PKD1: variants seen among roughly 807,000 people sequenced by gnomAD.
The protein encoded by PKD1 is polycystin-1.
A neutral mutation model predicts 361.7 loss-of-function variants in PKD1; 81 were observed. The observed-to-expected ratio is 0.22, with a 90% CI of 0.19 to 0.27. The LOEUF is 0.27. Ranked by LOEUF, PKD1 falls within the 10% of genes least tolerant of loss-of-function variation. The pLI, the probability that PKD1 is intolerant of heterozygous loss-of-function variation, is 1.00. For missense variants in PKD1, 6,399 were observed against 6,118.3 expected (o/e 1.05, Z -1.53); for synonymous variants, 3,615 against 2,818.3 (o/e 1.28, Z -8.95).
chr16:2,091,474 G>C lies in PKD1; in HGVS notation c.11661C>G (p.Pro3887=), dbSNP rs1456144463. The C allele has an allele frequency of 7.4e-7, 1 of 1,344,986 alleles. No homozygotes were observed. The highest frequency in any genetic ancestry group is 9.5e-7 in the Non-Finnish European group (1 of 1,053,432). The allele number at this position is 1,344,986 out of a possible 1,614,324, so 83.3% of individuals were successfully genotyped here. A position where few individuals can be genotyped will look rare whatever the true frequency, so the allele number is the denominator to read the frequency against. ...CCGCGCTGAGGCGGCGCAGCGCAAA[G>C]GGGCGGACGCTGAGGGCGGCCAGGG... is the stretch of plus-strand genomic sequence containing the variant. ...GRALAALSVR[P]FALRRLSAGL... The change falls in exon 42 of 46, where the codon CCC becomes CCG. Residue 3887 remains proline (P), a synonymous_variant. Coordinates refer to ENST00000262304, the MANE Select transcript of PKD1 (RefSeq NM_001009944.3).
In PKD1 at chr16:2,090,557, C is replaced by T. The variant is rs770093370; in HGVS notation, c.12172G>A (p.Val4058Met). 4 of 1,609,226 alleles carry T rather than the reference C, an allele frequency of 2.5e-6. No individual in the cohort carries two copies. The highest frequency in any genetic ancestry group is 1.3e-5 in the African/African-American group (1 of 75,022). ...VSSCVDSLWSVAQALLVLCPG... is the reference protein window; with the variant it reads ...VSSCVDSLWSMAQALLVLCPG... ...CACAGCACCAACAGGGCCTGGGCCA[C>T]GCTCCAGAGGGAGTCCACACAGGAA... The change falls in exon 45 of 46, where the codon GTG becomes ATG. Residue 4058 changes from valine to methionine, a missense_variant. Transcript: ENST00000262304.
chr16:2,116,573 G>C lies in PKD1; in HGVS notation c.1678C>G (p.Leu560Val). ...GCTGAGAGGCCGTCCTGCTGTGCCAGAGGCGTCAGGGGTCCCTGCAGGTCC... is the reference window on the plus strand; with the variant it reads ...GCTGAGAGGCCGTCCTGCTGTGCCACAGGCGTCAGGGGTCCCTGCAGGTCC... Reference protein sequence around the residue: ...SGDLQGPLTPLAQQDGLSAPH... With the variant: ...SGDLQGPLTPVAQQDGLSAPH... The change falls in exon 8 of 46, where the codon CTG (leucine) becomes GTG (valine). Residue 560 changes from leucine to valine, a missense_variant. Transcript: ENST00000262304. The C allele has an allele frequency of 3.2e-6, 5 of 1,570,898 alleles. No homozygotes were observed. In the East Asian group the frequency reaches 7.0e-5, roughly 22 times the overall value.
rs1303361524 is a variant in PKD1 at position 2,117,626 on chromosome 16, G to A, written c.1248C>T (p.Asn416=). The change falls in exon 6 of 46, where the codon AAC becomes AAT. Residue 416 remains asparagine, a synonymous_variant. Transcript: ENST00000262304. The stretch of plus-strand genomic sequence containing the variant: ...CCACCACCAGGCGGTAGCAGTGCCC[G>A]TTGCCAGGGAAGATCTCCGTGTCCG... ...CPSDTEIFPG[N]GHCYRLVVEK... 1.4e-5 allele frequency: 23 copies of A among 1,610,496 alleles called. No individual in the cohort carries two copies. Among genetic ancestry groups the A allele is most frequent in the African/African-American group, 9.4e-5 (7 of 74,850 alleles).
At chr16:2,107,156 G>C (rs1212049414) in intron 16 of PKD1, 6 of 639,194 alleles carry the variant, frequency 9.4e-6, no homozygotes, top group African/African-American at 9.0e-5. Context: ...GAGGACACTG[G>C]AGTGTGCGTT....
At chr16:2,092,375 A>G (rs931668781) in intron 39 of PKD1, 105 bp downstream of exon 39, 68 of 972,744 alleles carry the variant, frequency 7.0e-5, no homozygotes, top group Non-Finnish European at 1.0e-4. Context: ...TAAGAGGGCA[A>G]AGGTCACACA....
In PKD1 at chr16:2,089,251, A is replaced by C. The variant is rs528412312; in HGVS notation, c.*476T>G. 3.6e-4 allele frequency: 65 copies of C among 178,726 alleles called. No homozygotes were observed. Among genetic ancestry groups the C allele is most frequent in the African/African-American group, 1.5e-3 (63 of 42,222 alleles). 11.1% of individuals were successfully genotyped at this position (178,726 alleles called of 1,614,324 possible). A position where few individuals can be genotyped will look rare whatever the true frequency, so the allele number is the denominator to read the frequency against. On this transcript the variant is annotated 3_prime_UTR_variant, in exon 46 of 46. Transcript: ENST00000262304. ...CCTAGTGAAAATAGTGACATACAAAAATATACACATTTTAACACCATATAA... is the reference window on the plus strand; with the variant it reads ...CCTAGTGAAAATAGTGACATACAAACATATACACATTTTAACACCATATAA...
chr16:2,117,115 G>A (rs903173674), intron 6 of PKD1, 62 bp from the exon 7 acceptor site: 14 of 747,418 alleles, frequency 1.9e-5, no homozygotes, highest in Admixed American at 4.5e-5. Flanking sequence ...CACCCTCACA[G>A]CAGCCCGCTG....
At chr16:2,098,789 T>A (rs568748131) in intron 30 of PKD1, 1 of 143,126 alleles carries the variant, frequency 7.0e-6, no homozygotes, top group East Asian at 2.0e-4. Flanking sequence ...TTAGAAAAAT[T>A]CTATCGTGAA....
intron 1 of PKD1, 185 bp from the exon 2 acceptor site, chr16:2,119,563 C>G (rs965434907): frequency 1.4e-5 from 9 of 659,266 alleles, no homozygotes; most frequent in Non-Finnish European, 2.2e-5. Context: ...CTGGGGAAAC[C>G]AAGCCAGGAG....
At chr16:2,097,057 C>CACCCT (rs2091877840) in intron 34 of PKD1, 91 bp downstream of exon 34, 2 of 743,220 alleles carry the variant, frequency 2.7e-6, no homozygotes, top group Non-Finnish European at 2.3e-6. Context: ...CACCCCACCC[C>CACCCT]ACCCTACCCC....
rs1384438619 is a variant in PKD1, at chr16:2,092,620, G to A, written c.11157-28C>T. On this transcript the variant is annotated intron_variant, in intron 38 of 45. Transcript: ENST00000262304. Reference sequence around the variant, plus strand: ...GCCACAGCATCAGTCACACGCTCCAGCCCCTACTGCCCCATGCCCGCCTCG... The same window carrying A: ...GCCACAGCATCAGTCACACGCTCCAACCCCTACTGCCCCATGCCCGCCTCG... The A allele has an allele frequency of 2.7e-6, 4 of 1,456,750 alleles. No homozygotes were observed. In the South Asian group the frequency reaches 3.5e-5, roughly 13 times the overall value. 90.2% of individuals were successfully genotyped at this position (1,456,750 alleles called of 1,614,324 possible).
chr16:2,107,163 C>A, intron 16 of PKD1: 2 of 625,800 alleles, frequency 3.2e-6, no homozygotes, highest in Admixed American at 4.4e-5. Flanking sequence ...CTGGAGTGTG[C>A]GTTCTGGTGT....
intron 1 of PKD1, among the ~76,000 whole-genome samples, chr16:2,129,534 T>C (rs1157269316): frequency 1.4e-5 from 2 of 146,894 alleles, no homozygotes; most frequent in Non-Finnish European, 3.0e-5. Context: ...TCTGTTCAGA[T>C]CCTGTGATTT....
chr16:2,094,866 G>A (rs2091778070), intron 34 of PKD1: 1 of 153,520 alleles, frequency 6.5e-6, no homozygotes, highest in Non-Finnish European at 1.4e-5. Context: ...CGAGTCCCGG[G>A]CTCTCAGGAC....
Position 2,092,995 on chromosome 16 carries a change from G to C in PKD1, c.11115C>G (p.Ile3705Met). ...AGGCCCGGCTGTGCAGCTCCTGCTTGATGGCGCTTTGCAGACGGTAGGCGT... is the reference window on the plus strand; with the variant it reads ...AGGCCCGGCTGTGCAGCTCCTGCTTCATGGCGCTTTGCAGACGGTAGGCGT... The part of the protein sequence containing the change: ...HGHAYRLQSA[I>M]KQELHSRAFL... The change falls in exon 38 of 46, where the codon ATC becomes ATG. Residue 3705 changes from isoleucine (I) to methionine (M), a missense_variant. Coordinates refer to ENST00000262304, the MANE Select transcript of PKD1 (RefSeq NM_001009944.3). 1.2e-6 allele frequency: 2 copies of C among 1,613,024 alleles called. No individual in the cohort carries two copies. Among genetic ancestry groups the C allele is most frequent in the East Asian group, 2.2e-5 (1 of 44,886 alleles).
chr16:2,122,071 C>G (rs1397651247), intron 1 of PKD1, among the ~76,000 whole-genome samples: 1 of 152,234 alleles, frequency 6.6e-6, no homozygotes, highest in African/African-American at 2.4e-5. Flanking sequence ...GGGGCCAGGG[C>G]AAGAGCTTGA....
chr16:2,090,385 C>G lies in PKD1; in HGVS notation c.12344G>C (p.Gly4115Ala). 8.1e-6 allele frequency: 13 copies of G among 1,612,702 alleles called. No homozygotes were observed. The highest frequency in any genetic ancestry group is 1.1e-5 in the Non-Finnish European group (13 of 1,179,930). Residue 4115 changes from glycine (G) to alanine (A), a missense_variant, in exon 45 of 46, where the codon GGA (glycine) becomes GCA (alanine). Transcript: ENST00000262304. ...CTCCCAGGCCGGCCGGTACAGCTCT[C>G]CACGCAAGGCGTGGTAGCGCCAGCG... ...ILRWRYHALR[G>A]ELYRPAWEPQ... is the part of the protein sequence containing the mutation.
chr16:2,116,592 C>G lies in PKD1; in HGVS notation c.1659G>C (p.Leu553=). Residue 553 remains leucine (L), a synonymous_variant, in exon 8 of 46, where the codon CTG becomes CTC. Transcript: ENST00000262304. ...NLLVGAPSGD[L]QGPLTPLAQQ... ...GTGCCAGAGGCGTCAGGGGTCCCTG[C>G]AGGTCCCCACTGGGCGCTCCCACGA... 1 of 1,567,726 alleles carries G rather than the reference C, an allele frequency of 6.4e-7. No homozygotes were observed. Among genetic ancestry groups the G allele is most frequent in the Non-Finnish European group, 8.6e-7 (1 of 1,160,892 alleles).
rs2091256706 is a variant in PKD1 at position 2,088,802 on chromosome 16, G to A, written c.*925C>T. ...AGAAGCGGCCATGCCCACAGAAGTG[G>A]TACACAGAAGCAGGCACAGCCAGCT... On this transcript the variant is annotated 3_prime_UTR_variant, in exon 46 of 46. Transcript: ENST00000262304. 4 of 758,518 alleles carry A rather than the reference G, an allele frequency of 5.3e-6. No individual in the cohort carries two copies. The allele number at this position is 758,518 out of a possible 1,614,324, so 47.0% of individuals were successfully genotyped here. A position where few individuals can be genotyped will look rare whatever the true frequency, so the allele number is the denominator to read the frequency against.
Sources: allele counts gnomAD v4.1 joint callset (sites outside exome capture counted in the v4.1 genomes callset), GRCh38; gene constraint gnomAD v4.1.1; transcripts MANE v1.5; gene names NCBI Gene and HGNC (gene_info 2026-07-23, HGNC 2026-07-21).